The following KIAA1671 variants were observed in gnomAD, a reference collection of about 807,000 sequenced individuals.
KIAA1671 encodes the protein uncharacterized protein KIAA1671.
In KIAA1671, 52 loss-of-function variants were observed where a neutral mutation model predicts 131.2. The ratio of observed to expected loss-of-function variants is 0.40; its 90% CI spans 0.32 to 0.50. The LOEUF is 0.50. Among genes scored for constraint, KIAA1671 ranks in the 20% least tolerant of loss-of-function variants. The pLI is 0.73. For missense variants in KIAA1671, 2,360 were observed against 2,364.2 expected (o/e 1.00, Z 0.04); for synonymous variants, 1,003 against 961.6 (o/e 1.04, Z -0.80).
chr22:25,036,361 T>A (rs112855563), intron 4 of KIAA1671, among the ~76,000 whole-genome samples: 3,545 of 152,062 alleles, frequency 0.023, 55 homozygotes, highest in Middle Eastern at 0.044. Flanking sequence ...ATTGCAGGCA[T>A]GAGCTACCGT....
intron 6 of KIAA1671, among the ~76,000 whole-genome samples, chr22:25,065,855 G>A (rs1030716037): frequency 6.6e-5 from 10 of 151,912 alleles, no homozygotes; most frequent in Admixed American, 6.6e-5. Flanking sequence ...TGTCCAGGTT[G>A]GTCTTGAACT....
At chr22:25,046,839 T>G (rs1927263446) in intron 5 of KIAA1671, among the ~76,000 whole-genome samples, 1 of 152,304 alleles carries the variant, frequency 6.6e-6, no homozygotes. Flanking sequence ...CCAGGCCAGT[T>G]AGGTCAGAAT....
intron 1 of KIAA1671, among the ~76,000 whole-genome samples, chr22:24,970,011 A>T (rs1922516913): frequency 1.3e-5 from 2 of 152,210 alleles, no homozygotes; most frequent in Non-Finnish European, 2.9e-5. Context: ...GGCTTGGGCC[A>T]GGGAGTTTGA....
rs542651809 is a variant in KIAA1671 at position 25,174,645 on chromosome 22, G to A, written c.4899+156G>A. 227 of 802,360 alleles carry A rather than the reference G, an allele frequency of 2.8e-4. 1 individual carries two copies. The African/African-American group carries it at 3.8e-3, about 13-fold the overall frequency. 49.7% of individuals were successfully genotyped at this position (802,360 alleles called of 1,614,324 possible). A position where few individuals can be genotyped will look rare whatever the true frequency, so the allele number is the denominator to read the frequency against. On this transcript the variant is annotated intron_variant, in intron 8 of 12. Transcript: ENST00000358431. ...TGGGACTCACTTATGCATGTATCTT[G>A]GACCTGCCATACACCTGCTGTGTGT... is the stretch of plus-strand genomic sequence containing the variant.
chr22:25,105,690 C>T (rs927364456), intron 6 of KIAA1671, among the ~76,000 whole-genome samples: 2 of 152,182 alleles, frequency 1.3e-5, no homozygotes, highest in Non-Finnish European at 2.9e-5. Flanking sequence ...GCACCCCTCT[C>T]CCCTTTCTGG....
chr22:25,183,691 T>A (rs1934372718), intron 10 of KIAA1671, among the ~76,000 whole-genome samples: 1 of 151,588 alleles, frequency 6.6e-6, no homozygotes, highest in African/African-American at 2.4e-5. Context: ...CCTGGCTAAT[T>A]TTTTGTATTT....
At position 24,975,441 on chromosome 22, in the gene KIAA1671, C is replaced by T. The variant is rs529312949; in HGVS notation, c.-208+22669C>T. The stretch of plus-strand genomic sequence containing the variant: ...TCAAGCAAGCCTCCTGCTTCAGCCT[C>T]CTAAGTAGCTGGGGTGCAGGTGTGT... On this transcript the variant is annotated intron_variant, in intron 1 of 12. Transcript: ENST00000358431. Among the ~76,000 whole-genome samples, 14 of 152,066 alleles carry T rather than the reference C, an allele frequency of 9.2e-5. No individual in the cohort carries two copies. The South Asian group carries it at 2.9e-3, about 32-fold the overall frequency.
Position 25,194,231 on chromosome 22 carries a change from G to A in KIAA1671, c.*1830G>A, listed in dbSNP as rs1274082589. On this transcript the variant is annotated 3_prime_UTR_variant, in exon 13 of 13. Coordinates refer to ENST00000358431, the MANE Select transcript of KIAA1671 (RefSeq NM_001145206.2). ...TGGGACTACAGGTGTATGCTACCAT[G>A]ACCAGCTAATTTTTAAATATTTTTG... 2.0e-5 allele frequency: 3 copies of A among 152,038 alleles called. No homozygotes were observed. The highest frequency in any genetic ancestry group is 2.0e-4 in the Admixed American group (3 of 15,254). The allele number at this position is 152,038 out of a possible 1,614,324, so 9.4% of individuals were successfully genotyped here. A position where few individuals can be genotyped will look rare whatever the true frequency, so the allele number is the denominator to read the frequency against.
intron 1 of KIAA1671, among the ~76,000 whole-genome samples, chr22:25,021,700 G>A (rs1305871689): frequency 1.3e-5 from 2 of 152,034 alleles, no homozygotes; most frequent in African/African-American, 4.8e-5. Context: ...TTTTGATTGG[G>A]GCCCTTTCTG....
chr22:25,112,688 T>C lies in KIAA1671; in HGVS notation c.4531-58132T>C, dbSNP rs1043440571. 1.3e-5 allele frequency: 4 copies of C among 303,976 alleles called. No individual in the cohort carries two copies. In the East Asian group the frequency reaches 2.1e-4, roughly 16 times the overall value. The allele number at this position is 303,976 out of a possible 1,614,324, so 18.8% of individuals were successfully genotyped here. Reference sequence around the variant, plus strand: ...CAGGACATTTTTGCTGGAGTCGACGTCTGTGTGGACAGGGCCAGCACGTGA... The same window carrying C: ...CAGGACATTTTTGCTGGAGTCGACGCCTGTGTGGACAGGGCCAGCACGTGA... On this transcript the variant is annotated intron_variant, in intron 6 of 12. Coordinates refer to ENST00000358431, the MANE Select transcript of KIAA1671 (RefSeq NM_001145206.2).
At chr22:25,111,678 C>G (rs1931355463) in intron 6 of KIAA1671, among the ~76,000 whole-genome samples, 1 of 152,212 alleles carries the variant, frequency 6.6e-6, no homozygotes, top group Non-Finnish European at 1.5e-5. Flanking sequence ...GCAGCTTGCC[C>G]ACCGGAACCT....
intron 6 of KIAA1671, among the ~76,000 whole-genome samples, chr22:25,084,752 G>C (rs528288505): frequency 6.6e-6 from 1 of 152,358 alleles, no homozygotes; most frequent in East Asian, 1.9e-4. Context: ...GAACCATCTA[G>C]AGTCTTCTTC....
intron 1 of KIAA1671, among the ~76,000 whole-genome samples, chr22:24,985,731 TGTGA>T (rs1356127972): frequency 3.3e-5 from 5 of 150,552 alleles, no homozygotes; most frequent in Non-Finnish European, 7.4e-5. Flanking sequence ...AGAGAGAGTG[TGTGA>T]GTGTGTGTGT....
At chr22:25,126,242 C>T (rs1932181972) in intron 6 of KIAA1671, among the ~76,000 whole-genome samples, 1 of 152,240 alleles carries the variant, frequency 6.6e-6, no homozygotes, top group African/African-American at 2.4e-5. Context: ...CACGTTCCCA[C>T]CATCACCAGC....
At position 25,179,508 on chromosome 22, in the gene KIAA1671, C is replaced by G. The variant is rs529001626; in HGVS notation, c.5074+1986C>G. On this transcript the variant is annotated intron_variant, in intron 9 of 12. Coordinates refer to ENST00000358431, the MANE Select transcript of KIAA1671 (RefSeq NM_001145206.2). ...AGCGCCTTGTGCAGCACCTCCCGCT[C>G]GTGCTCGCGCGGCTCCACCAGCTGC... 8.1e-6 allele frequency: 13 copies of G among 1,609,610 alleles called. No homozygotes were observed. The Admixed American group carries it at 1.3e-4, about 17-fold the overall frequency.
At position 25,041,198 on chromosome 22, in the gene KIAA1671, A is replaced by G. The variant is rs1926905455; in HGVS notation, c.4068A>G (p.Pro1356=). 4 of 1,551,824 alleles carry G rather than the reference A, an allele frequency of 2.6e-6. No individual in the cohort carries two copies. The South Asian group carries it at 4.8e-5, about 18-fold the overall frequency. ...AESKPSGRED[P]GSGVRVSPKS... is the part of the protein sequence containing the mutation. ...CAAAGCCCTCTGGTCGGGAGGATCC[A>G]GGCAGTGGGGTCAGGGTGTCACCCA... The change falls in exon 5 of 13, where the codon CCA becomes CCG. Residue 1356 remains proline (P), a synonymous_variant. Coordinates refer to ENST00000358431, the MANE Select transcript of KIAA1671 (RefSeq NM_001145206.2).
At chr22:25,144,446 G>A (rs957695264) in intron 6 of KIAA1671, among the ~76,000 whole-genome samples, 35 of 152,182 alleles carry the variant, frequency 2.3e-4, no homozygotes, top group African/African-American at 8.4e-4. Flanking sequence ...GCTCTCTGGG[G>A]GTTCAGGGCC....
In KIAA1671 at chr22:25,115,346, C is replaced by T. The variant is rs561506236; in HGVS notation, c.4531-55474C>T. ...GGGGGTCTCTGAGGCCATGGGGTGC[C>T]GCACCAAGGAGGGCTTTGGAGTCAG... On this transcript the variant is annotated intron_variant, in intron 6 of 12. Transcript: ENST00000358431. Among the ~76,000 whole-genome samples, 23 of 152,212 alleles carry T rather than the reference C, an allele frequency of 1.5e-4. No homozygotes were observed. The South Asian group carries it at 2.9e-3, about 19-fold the overall frequency.
chr22:24,975,515 C>T (rs764268271), intron 1 of KIAA1671, among the ~76,000 whole-genome samples: 7 of 151,960 alleles, frequency 4.6e-5, no homozygotes, highest in African/African-American at 1.2e-4. Flanking sequence ...GATGGAGTTT[C>T]GCTCTGTTGC....
Sources: allele counts gnomAD v4.1 joint callset (sites outside exome capture counted in the v4.1 genomes callset), GRCh38; gene constraint gnomAD v4.1.1; transcripts MANE v1.5; gene names NCBI Gene and HGNC (gene_info 2026-07-23, HGNC 2026-07-21).